The following PMP22 variants were observed in gnomAD, a reference collection of about 807,000 sequenced individuals.
The protein encoded by PMP22 is peripheral myelin protein 22.
A neutral mutation model predicts 18.9 loss-of-function variants in PMP22; 2 were observed. That is an observed-to-expected ratio of 0.11 (90% CI 0.04 to 0.33). PMP22 has a LOEUF of 0.33. PMP22 is among the 10% of genes least tolerant of loss of function. PMP22 has a pLI of 1.00. For missense variants in PMP22, 169 were observed against 202.2 expected, an observed-to-expected ratio of 0.84 and a Z score of 1.00; for synonymous variants, 95 against 89.2, an observed-to-expected ratio of 1.07 and a Z score of -0.37.
intron 1 of PMP22, among the ~76,000 whole-genome samples, chr17:15,263,966 A>G (rs1219583209): frequency 6.6e-6 from 1 of 152,176 alleles, no homozygotes; most frequent in African/African-American, 2.4e-5. Context: ...GAATTTGGGC[A>G]ATTTCTCAAG....
At chr17:15,254,755 C>G (rs554712957) in intron 3 of PMP22, among the ~76,000 whole-genome samples, 1 of 151,932 alleles carries the variant, frequency 6.6e-6, no homozygotes, top group African/African-American at 2.4e-5. Context: ...GTCGGGAGTT[C>G]GAGACCAGCC....
intron 3 of PMP22, among the ~76,000 whole-genome samples, chr17:15,249,957 T>C (rs79380664): frequency 0.042 from 6,461 of 152,254 alleles, 204 homozygotes; most frequent in Non-Finnish European, 0.066. Flanking sequence ...ACTCTGTCGC[T>C]CAGGCTGGCG....
chr17:15,240,292 A>G (rs1907208568), intron 3 of PMP22, among the ~76,000 whole-genome samples: 2 of 152,144 alleles, frequency 1.3e-5, no homozygotes, highest in South Asian at 4.1e-4. Flanking sequence ...GGTAAAGATC[A>G]CGGGAATGGC....
chr17:15,246,064 C>A (rs1179396282), intron 3 of PMP22, among the ~76,000 whole-genome samples: 2 of 151,858 alleles, frequency 1.3e-5, no homozygotes, highest in Non-Finnish European at 2.9e-5. Context: ...ACAATGTTCA[C>A]ACAAGCCAGG....
At position 15,239,614 on chromosome 17, in the gene PMP22, G is replaced by T. The variant is rs1284105482; in HGVS notation, c.179-3C>A. The T allele has an allele frequency of 1.2e-6, 2 of 1,613,760 alleles. No individual in the cohort carries two copies. Among genetic ancestry groups the T allele is most frequent in the South Asian group, 2.2e-5 (2 of 91,062 alleles). On this transcript the variant is annotated splice_region_variant and splice_polypyrimidine_tract_variant and intron_variant, in intron 3 of 4. Transcript: ENST00000312280. ...GGCCTGGACAGACTGCAGCCATTCT[G>T]GGGGAAAGAGACACTTGGTTAGGAG...
intron 3 of PMP22, 41 bp from the exon 4 acceptor site, chr17:15,239,652 C>T: frequency 6.2e-7 from 1 of 1,611,378 alleles, no homozygotes; most frequent in Non-Finnish European, 8.5e-7. Flanking sequence ...CTGGCCATGG[C>T]CGGGGGAGGG....
chr17:15,242,312 C>T (rs1422509425), intron 3 of PMP22, among the ~76,000 whole-genome samples: 3 of 135,454 alleles, frequency 2.2e-5, no homozygotes, highest in Admixed American at 7.2e-5. Context: ...ATAATAGATA[C>T]ACCTAAAACA....
chr17:15,235,264 A>T (rs1032124484), intron 4 of PMP22: 46 of 717,626 alleles, frequency 6.4e-5, no homozygotes, highest in Non-Finnish European at 1.1e-4. Context: ...CGGTAACCAC[A>T]CATTTGACTT....
At chr17:15,236,153 T>C (rs994290799) in intron 4 of PMP22, among the ~76,000 whole-genome samples, 2 of 152,012 alleles carry the variant, frequency 1.3e-5, no homozygotes, top group South Asian at 4.2e-4. Flanking sequence ...CCTTTTGATA[T>C]GCATTCAGGA....
At chr17:15,257,028 T>C (rs1051377310) in intron 3 of PMP22, among the ~76,000 whole-genome samples, 2 of 152,200 alleles carry the variant, frequency 1.3e-5, no homozygotes, top group Non-Finnish European at 2.9e-5. Flanking sequence ...ATGCCCTGAT[T>C]GTGAGAGCTG....
At chr17:15,257,529 T>C (rs1908944740) in intron 3 of PMP22, among the ~76,000 whole-genome samples, 1 of 152,184 alleles carries the variant, frequency 6.6e-6, no homozygotes, top group Admixed American at 6.5e-5. Context: ...CCACCAGGTG[T>C]CAGTAGCGAG....
chr17:15,242,854 T>C (rs1470085300), intron 3 of PMP22, among the ~76,000 whole-genome samples: 13 of 152,078 alleles, frequency 8.5e-5, no homozygotes, highest in Admixed American at 7.9e-4. Context: ...GCTCAACATA[T>C]ACCTAAAGGC....
At chr17:15,250,805 C>G (rs1226278551) in intron 3 of PMP22, among the ~76,000 whole-genome samples, 1 of 152,204 alleles carries the variant, frequency 6.6e-6, no homozygotes. Context: ...CTGGCACTTA[C>G]GTGAGCTGTT....
intron 3 of PMP22, among the ~76,000 whole-genome samples, chr17:15,252,396 TTGCTGC>T (rs111928632): frequency 6.0e-5 from 9 of 150,968 alleles, no homozygotes; most frequent in Admixed American, 1.3e-4. Context: ...GAGTTTGCTG[TTGCTGC>T]TGCTGCTGCT....
chr17:15,247,589 C>T (rs1907953241), intron 3 of PMP22, among the ~76,000 whole-genome samples: 1 of 152,180 alleles, frequency 6.6e-6, no homozygotes, highest in Admixed American at 6.5e-5. Flanking sequence ...GAAGGAAATA[C>T]ATCAGCCCCC....
Position 15,230,788 on chromosome 17 carries a change from A to T in PMP22, c.*129T>A. 1.1e-6 allele frequency: 1 copy of T among 940,504 alleles called. No homozygotes were observed. Among genetic ancestry groups the T allele is most frequent in the Non-Finnish European group, 1.7e-6 (1 of 587,528 alleles). The allele number at this position is 940,504 out of a possible 1,614,324, so 58.3% of individuals were successfully genotyped here. Reference sequence around the variant, plus strand: ...TCAATCAACAGCAACCCCCACCTCCACTGCTTTCTGTTTGGTTTGGTTTGA... The same window carrying T: ...TCAATCAACAGCAACCCCCACCTCCTCTGCTTTCTGTTTGGTTTGGTTTGA... On this transcript the variant is annotated 3_prime_UTR_variant, in exon 5 of 5. Transcript: ENST00000312280.
At chr17:15,248,552 C>T (rs766669293) in intron 3 of PMP22, among the ~76,000 whole-genome samples, 1 of 152,168 alleles carries the variant, frequency 6.6e-6, no homozygotes, top group Non-Finnish European at 1.5e-5. Context: ...GGGAATAACA[C>T]GCAGCCACTG....
At position 15,253,535 on chromosome 17, in the gene PMP22, A is replaced by T. The variant is rs544739764; in HGVS notation, c.178+5559T>A. ...TTGGAATCAAATGGACCACTGAGAA[A>T]CCCGTGGAAGACAGCAGGTCTAAGG... On this transcript the variant is annotated intron_variant, in intron 3 of 4. Coordinates refer to ENST00000312280, the MANE Select transcript of PMP22 (RefSeq NM_000304.4). Among the ~76,000 whole-genome samples the T allele has an allele frequency of 1.8e-3, 279 of 152,208 alleles. 2 individuals are homozygous for T. Among genetic ancestry groups the T allele is most frequent in the South Asian group, 2.7e-3 (13 of 4,796 alleles).
At chr17:15,260,376 A>T (rs955437311) in intron 2 of PMP22, 8 of 521,870 alleles carry the variant, frequency 1.5e-5, no homozygotes, top group Non-Finnish European at 2.8e-5. Context: ...TGTCAAATGA[A>T]GGTCGGGGAC....
Sources: gnomAD v4.1 joint callset for allele counts (sites outside exome capture counted in the v4.1 genomes callset) on GRCh38, gnomAD v4.1.1 for gene constraint, MANE v1.5 for transcripts, NCBI Gene and HGNC (gene_info 2026-07-23, HGNC 2026-07-21) for gene names.